The following MUC4 variants were observed in gnomAD, a reference collection of about 807,000 sequenced individuals.
The protein encoded by MUC4 is mucin 4, cell surface associated.
MUC4 carries 202 observed loss-of-function variants against 257.9 expected under a neutral mutation model. That is an observed-to-expected ratio of 0.78 (90% CI 0.70 to 0.88). The LOEUF (loss-of-function observed/expected upper bound fraction) is 0.88, where lower values mean the gene tolerates loss of function less well. Among genes scored for constraint, MUC4 ranks in the 40% least tolerant of loss-of-function variants. The pLI, the probability that MUC4 is intolerant of heterozygous loss-of-function variation, is 0.00. For missense variants in MUC4, 5,976 were observed against 6,513.7 expected (o/e 0.92, Z 2.84); for synonymous variants, 2,351 against 2,757.1 (o/e 0.85, Z 4.62).
intron 16 of MUC4, among the ~76,000 whole-genome samples, chr3:195,760,678 G>A (rs1055736417): frequency 6.9e-6 from 1 of 144,900 alleles, no homozygotes; most frequent in Admixed American, 6.9e-5. Context: ...TAGGAGAAGA[G>A]CTCTGAGAAG....
At position 195,755,942 on chromosome 3, in the gene MUC4, T is replaced by C. The variant is rs894857906; in HGVS notation, c.15168+1205A>G. Among the ~76,000 whole-genome samples the C allele has an allele frequency of 2.0e-5, 3 of 152,164 alleles. No individual in the cohort carries two copies. The highest frequency in any genetic ancestry group is 1.5e-5 in the Non-Finnish European group (1 of 68,036). ...GTTGCCAGATAAACACTTTCCTTTC[T>C]GGCTCTTCCTTTACAACCAAAAATA... On this transcript the variant is annotated intron_variant, in intron 18 of 24. Coordinates refer to ENST00000463781, the MANE Select transcript of MUC4 (RefSeq NM_018406.7). The surrounding 1 kb of genome is among the most constrained non-coding windows in gnomAD (Gnocchi z 5.0).
At position 195,747,225 on chromosome 3, in the gene MUC4, G is replaced by A. The variant is rs1224715430; in HGVS notation, c.16190C>T (p.Ser5397Phe). Residue 5397 changes from serine (S) to phenylalanine (F), a missense_variant, in exon 25 of 25, where the codon TCC becomes TTC. By Grantham distance (155) the Ser-to-Phe change is radical. Around this residue, in one of 44 missense-constraint regions of MUC4, gnomAD observed 310 missense variants for 242.1 expected, o/e 1.28. Coordinates refer to ENST00000463781, the MANE Select transcript of MUC4 (RefSeq NM_018406.7). ...TFVVLRFWGC[S>F]GARFSYFLNS... is the part of the protein sequence containing the mutation. The stretch of plus-strand genomic sequence containing the variant: ...CAGGAAATAGGAGAACCTGGCCCCG[G>A]AGCAACCCCAGAAGCGCAGGACCAC... 4 of 1,614,130 alleles carry A rather than the reference G, an allele frequency of 2.5e-6. No individual in the cohort carries two copies. The highest frequency in any genetic ancestry group is 3.4e-6 in the Non-Finnish European group (4 of 1,180,044).
rs1733852870 is a variant in MUC4, at chr3:195,791,431, G to C, written c.149C>G (p.Thr50Arg). Residue 50 changes from threonine (T) to arginine (R), a missense_variant, in exon 2 of 25, where the codon ACA becomes AGA. Thr to Arg is a moderately conservative substitution (Grantham distance 71). Around this residue, in one of 44 missense-constraint regions of MUC4, gnomAD observed 1,583 missense variants for 1,257.4 expected, o/e 1.26. Transcript: ENST00000463781. ...TGATTGTCCCTCTAGTGTCGCTGTT[G>C]TTGAGCCTGTTGAGGTGACTGGGGC... ...TAAPVTSTGS[T>R]TATLEGQSTA... The C allele has an allele frequency of 6.2e-7, 1 of 1,613,986 alleles. No individual in the cohort carries two copies.
chr3:195,776,983 A>G (rs1436733867), intron 3 of MUC4, among the ~76,000 whole-genome samples: 1 of 3,798 alleles, frequency 2.6e-4, no homozygotes, highest in African/African-American at 1.1e-3. Flanking sequence ...TACCTTCCAC[A>G]CCCATACCTT....
At position 195,790,266 on chromosome 3, in the gene MUC4, G is replaced by A; in HGVS notation, c.1314C>T (p.Leu438=). 3 of 1,614,050 alleles carry A rather than the reference G, an allele frequency of 1.9e-6. No individual in the cohort carries two copies. The highest frequency in any genetic ancestry group is 2.7e-5 in the African/African-American group (2 of 75,054). Residue 438 remains leucine, a synonymous_variant, in exon 2 of 25, where the codon CTC becomes CTT. Transcript: ENST00000463781. ...TTTTTGGAGGTAGAGAACTGGGGGAGAGTGCTGTTGACAGAGTGTCTGACC... is the reference window on the plus strand; with the variant it reads ...TTTTTGGAGGTAGAGAACTGGGGGAAAGTGCTGTTGACAGAGTGTCTGACC... ...IWWSDTLSTA[L]SPSSLPPKIS... is the part of the protein sequence containing the mutation.
At position 195,751,491 on chromosome 3, in the gene MUC4, TC is replaced by T. The variant is rs1210913691; in HGVS notation, c.15583-221del. On this transcript the variant is annotated intron_variant, in intron 21 of 24. Coordinates refer to ENST00000463781, the MANE Select transcript of MUC4 (RefSeq NM_018406.7). ...AATGTTTGTTGAGAGTGAAGGGTTTTCCATTCTGTCCCCCCCTCAGCCTCAT... is the reference window on the plus strand; with the variant it reads ...AATGTTTGTTGAGAGTGAAGGGTTTTCATTCTGTCCCCCCCTCAGCCTCAT... 3 of 598,744 alleles carry T rather than the reference TC, an allele frequency of 5.0e-6. No individual in the cohort carries two copies. In the African/African-American group the frequency reaches 5.6e-5, roughly 11 times the overall value. 37.1% of individuals were successfully genotyped at this position (598,744 alleles called of 1,614,324 possible). A position where few individuals can be genotyped will look rare whatever the true frequency, so the allele number is the denominator to read the frequency against.
intron 13 of MUC4, among the ~76,000 whole-genome samples, chr3:195,762,648 G>T: frequency 7.4e-6 from 1 of 135,382 alleles, no homozygotes; most frequent in African/African-American, 2.8e-5. Flanking sequence ...ACCGGGCCCT[G>T]CACCGCCACG....
chr3:195,766,366 C>T (rs887835901), intron 8 of MUC4, among the ~76,000 whole-genome samples: 8 of 152,064 alleles, frequency 5.3e-5, no homozygotes, highest in African/African-American at 1.9e-4. Flanking sequence ...CCCACAAGAC[C>T]CTGTCCTCAC....
intron 18 of MUC4, among the ~76,000 whole-genome samples, chr3:195,754,828 ATGTG>A (rs982938647): frequency 6.6e-6 from 1 of 151,476 alleles, no homozygotes; most frequent in African/African-American, 2.4e-5. Flanking sequence ...GTGTGTATCC[ATGTG>A]TGTATGTATC....
rs1165396804 is a variant in MUC4, at chr3:195,759,105, G to C, written c.14986+19C>G. ...CCTACCCACCTCCCCACTCTCCCCA[G>C]CCAGCCAAATAGTCCTACCAAAGAG... On this transcript the variant is annotated intron_variant, in intron 17 of 24. Coordinates refer to ENST00000463781, the MANE Select transcript of MUC4 (RefSeq NM_018406.7). 6.2e-7 allele frequency: 1 copy of C among 1,611,964 alleles called. No homozygotes were observed. Among genetic ancestry groups the C allele is most frequent in the South Asian group, 1.1e-5 (1 of 90,920 alleles).
At chr3:195,770,100 A>G (rs1027023072) in intron 6 of MUC4, 116 bp downstream of exon 6, 3 of 1,098,176 alleles carry the variant, frequency 2.7e-6, no homozygotes, top group Non-Finnish European at 3.7e-6. Flanking sequence ...GGGGCTTGCT[A>G]TAATTAGCAA....
Position 195,769,081 on chromosome 3 carries a change from ACC to A in MUC4, c.13468_13469del (p.Gly4490TrpfsTer20). The A allele has an allele frequency of 6.2e-7, 1 of 1,614,054 alleles. No homozygotes were observed. The highest frequency in any genetic ancestry group is 8.5e-7 in the Non-Finnish European group (1 of 1,179,984). On this transcript the variant is annotated frameshift_variant, in exon 7 of 25. Transcript: ENST00000463781. LOFTEE classifies it high-confidence loss of function. ...RSYALFLYQS[G>X]GMQWDVAQRS... ...GCTGGGCCACGTCCCACTGCATCCC[ACC>A]GCTCTGGTAGAGAAACAGGGCATAG... is the stretch of plus-strand genomic sequence containing the variant.
chr3:195,770,110 A>G (rs530695858), intron 6 of MUC4, 106 bp downstream of exon 6: 72 of 1,207,252 alleles, frequency 6.0e-5, no homozygotes, highest in Non-Finnish European at 6.0e-5. Context: ...ATAATTAGCA[A>G]TCTTTCCTAG....
At chr3:195,763,301 G>T in intron 12 of MUC4, 132 bp downstream of exon 12, 1 of 915,642 alleles carries the variant, frequency 1.1e-6, no homozygotes, top group Non-Finnish European at 1.5e-6. Context: ...ACAGCTGCGT[G>T]GATGGGCTGT....
At position 195,790,032 on chromosome 3, in the gene MUC4, A is replaced by T. The variant is rs905160611; in HGVS notation, c.1548T>A (p.Leu516=). The change falls in exon 2 of 25, where the codon CTT becomes CTA. Residue 516 remains leucine (L), a synonymous_variant. Transcript: ENST00000463781. ...PSTSTGAATR[L]VTGNPSTGTA... ...TCCCTGTAGATGGATTTCCTGTGAC[A>T]AGCCTAGTGGCAGCACCTGTTGATG... 39 of 1,613,910 alleles carry T rather than the reference A, an allele frequency of 2.4e-5. No individual in the cohort carries two copies. The African/African-American group carries it at 4.7e-4, about 19-fold the overall frequency.
chr3:195,791,196 G>T lies in MUC4; in HGVS notation c.384C>A (p.Thr128=), dbSNP rs373656913. 1.2e-4 allele frequency: 186 copies of T among 1,613,262 alleles called. No homozygotes were observed. Among genetic ancestry groups the T allele is most frequent in the Non-Finnish European group, 1.5e-4 (179 of 1,179,622 alleles). Residue 128 remains threonine (T), a synonymous_variant, in exon 2 of 25, where the codon ACC becomes ACA. Coordinates refer to ENST00000463781, the MANE Select transcript of MUC4 (RefSeq NM_018406.7). Reference sequence around the variant, plus strand: ...TCTTTGATGTCATCATGAGTGTGTTGGTGACACTGGAGGGAAATGATGTGG... The same window carrying T: ...TCTTTGATGTCATCATGAGTGTGTTTGTGACACTGGAGGGAAATGATGTGG... ...EMTTSFPSSV[T]NTLMMTSKTI...
In MUC4 at chr3:195,767,587, A is replaced by AT. The variant is rs1560262076; in HGVS notation, c.13530-837_13530-836insA. Among the ~76,000 whole-genome samples, 7 of 110,766 alleles carry AT rather than the reference A, an allele frequency of 6.3e-5. 1 individual carries two copies. Among genetic ancestry groups the AT allele is most frequent in the Admixed American group, 1.7e-4 (2 of 12,100 alleles). The allele number at this position is 110,766 out of a possible 152,430, so 72.7% of individuals were successfully genotyped here. A position where few individuals can be genotyped will look rare whatever the true frequency, so the allele number is the denominator to read the frequency against. Reference sequence around the variant, plus strand: ...TGCCACCACCATCACCACCACCATCACCACCACCACCATCATCACCATTGC... The same window carrying AT: ...TGCCACCACCATCACCACCACCATCATCCACCACCACCATCATCACCATTGC... On this transcript the variant is annotated intron_variant, in intron 7 of 24. Transcript: ENST00000463781.
At chr3:195,761,440 TC>T (rs1345974508) in intron 15 of MUC4, 43 bp downstream of exon 15, 1 of 1,484,570 alleles carries the variant, frequency 6.7e-7, no homozygotes, top group Non-Finnish European at 9.4e-7. Flanking sequence ...ACATACCGGC[TC>T]CCCTCACCTG....
Position 195,751,190 on chromosome 3 carries a change from G to A in MUC4, c.15647+17C>T. On this transcript the variant is annotated intron_variant, in intron 22 of 24. Coordinates refer to ENST00000463781, the MANE Select transcript of MUC4 (RefSeq NM_018406.7). ...AGGAAGAGATCTGGGGGCTTAGGGG[G>A]ACACAGTCCCACTTACATTCGTTCC... The A allele has an allele frequency of 1.3e-6, 2 of 1,584,450 alleles. No homozygotes were observed. The highest frequency in any genetic ancestry group is 1.7e-6 in the Non-Finnish European group (2 of 1,164,996).
Sources: gnomAD v4.1 joint callset for allele counts (sites outside exome capture counted in the v4.1 genomes callset) on GRCh38, gnomAD v4.1.1 for gene constraint, gnomAD v4.1.1 regional missense constraint, Gnocchi (gnomAD v3.1) non-coding constraint, MANE v1.5 for transcripts, NCBI Gene and HGNC (gene_info 2026-07-23, HGNC 2026-07-21) for gene names.